NTM: variants seen among roughly 807,000 people sequenced by gnomAD.
NTM encodes neurotrimin.
A neutral mutation model predicts 42.1 loss-of-function variants in NTM; 13 were observed. The observed-to-expected ratio is 0.31, with a 90% confidence interval of 0.20 to 0.49. The LOEUF (loss-of-function observed/expected upper bound fraction) is 0.49. NTM is among the 20% of genes least tolerant of loss of function. The probability of loss-of-function intolerance (pLI) is 0.99; values close to 1 mark genes in which losing one functional copy is unlikely to be tolerated. For synonymous variants in NTM, 187 were observed against 179.2 expected (o/e 1.04, Z -0.35); for missense variants, 373 against 452.8 (o/e 0.82, Z 1.60).
At chr11:132,324,757 T>C (rs1173136754) in intron 7 of NTM, among the ~76,000 whole-genome samples, 2 of 147,122 alleles carry the variant, frequency 1.4e-5, no homozygotes, top group African/African-American at 5.0e-5. Context: ...TCACACTACC[T>C]GACTTCAAAC....
chr11:131,474,098 C>T (rs1260480863), intron 1 of NTM, among the ~76,000 whole-genome samples: 4 of 152,124 alleles, frequency 2.6e-5, no homozygotes, highest in African/African-American at 9.7e-5. Flanking sequence ...TGCAATCTGG[C>T]CCCTAGTCTT....
chr11:131,487,169 C>G (rs1458672141), intron 1 of NTM, among the ~76,000 whole-genome samples: 1 of 152,170 alleles, frequency 6.6e-6, no homozygotes, highest in African/African-American at 2.4e-5. Flanking sequence ...GGAAGCCTGC[C>G]AGAAAGGTGG....
intron 1 of NTM, among the ~76,000 whole-genome samples, chr11:131,750,690 A>G (rs984296207): frequency 6.6e-6 from 1 of 152,204 alleles, no homozygotes; most frequent in Non-Finnish European, 1.5e-5. Context: ...CCACAGCAAT[A>G]GACTCTGACT....
At chr11:132,025,401 G>A (rs1310525783) in intron 2 of NTM, among the ~76,000 whole-genome samples, 1 of 152,144 alleles carries the variant, frequency 6.6e-6, no homozygotes, top group African/African-American at 2.4e-5. Flanking sequence ...TCTTTTATCT[G>A]CACCTAAAAC....
intron 2 of NTM, among the ~76,000 whole-genome samples, chr11:132,129,834 ATGTC>A (rs2066509836): frequency 6.6e-6 from 1 of 152,204 alleles, no homozygotes; most frequent in Non-Finnish European, 1.5e-5. Flanking sequence ...TTTGCCAGAA[ATGTC>A]TGTCTGTCTT....
intron 1 of NTM, among the ~76,000 whole-genome samples, chr11:131,799,039 G>A (rs1336928497): frequency 6.6e-6 from 1 of 152,174 alleles, no homozygotes; most frequent in Non-Finnish European, 1.5e-5. Context: ...AAAAAGGGCA[G>A]ACAGAAAATT....
At chr11:132,130,396 G>A (rs1035369321) in intron 2 of NTM, among the ~76,000 whole-genome samples, 2 of 152,068 alleles carry the variant, frequency 1.3e-5, no homozygotes, top group Non-Finnish European at 2.9e-5. Context: ...TCTCTGCCTT[G>A]TTTTTTTAAT....
At chr11:131,585,992 G>C (rs1242742749) in intron 1 of NTM, among the ~76,000 whole-genome samples, 1 of 152,300 alleles carries the variant, frequency 6.6e-6, no homozygotes, top group Non-Finnish European at 1.5e-5. Context: ...CAACTGTTGA[G>C]CACAGAAACT....
chr11:131,794,887 C>T (rs1464060942), intron 1 of NTM: 10 of 985,272 alleles, frequency 1.0e-5, no homozygotes, highest in African/African-American at 1.7e-5. Context: ...ATATGATGGC[C>T]ACCCTTGTCA....
intron 1 of NTM, among the ~76,000 whole-genome samples, chr11:131,816,635 C>A (rs1361802819): frequency 6.6e-6 from 1 of 152,070 alleles, no homozygotes; most frequent in Non-Finnish European, 1.5e-5. Flanking sequence ...GTCCCCAAAT[C>A]GTACACCTCT....
intron 4 of NTM, among the ~76,000 whole-genome samples, chr11:132,306,074 C>T (rs780599936): frequency 3.9e-5 from 6 of 152,216 alleles, no homozygotes; most frequent in Non-Finnish European, 7.3e-5. Context: ...GTTGGGCCTA[C>T]TGCTGGGCAG....
intron 2 of NTM, among the ~76,000 whole-genome samples, chr11:131,936,081 G>C (rs2059184578): frequency 6.6e-6 from 1 of 152,042 alleles, no homozygotes; most frequent in Non-Finnish European, 1.5e-5. Context: ...TATAAAAATT[G>C]GTGTTGAGAG....
At chr11:132,298,608 G>A (rs752127820) in intron 4 of NTM, among the ~76,000 whole-genome samples, 37 of 152,128 alleles carry the variant, frequency 2.4e-4, no homozygotes, top group Non-Finnish European at 4.6e-4. Flanking sequence ...AATGCACAGG[G>A]CCTGGCTCTG....
At chr11:131,509,494 C>A (rs534655952) in intron 1 of NTM, among the ~76,000 whole-genome samples, 69 of 152,326 alleles carry the variant, frequency 4.5e-4, no homozygotes, top group African/African-American at 1.6e-3. Context: ...AGAATGTAAA[C>A]TTCCTGAAGG....
At chr11:131,560,480 C>A (rs973333948) in intron 1 of NTM, among the ~76,000 whole-genome samples, 3 of 152,170 alleles carry the variant, frequency 2.0e-5, no homozygotes, top group African/African-American at 4.8e-5. Context: ...GTATAACACA[C>A]AAGGAAGAGA....
intron 1 of NTM, among the ~76,000 whole-genome samples, chr11:131,760,319 C>T (rs939811032): frequency 1.3e-5 from 2 of 152,046 alleles, no homozygotes. Context: ...CTTTCTGTTC[C>T]CAGTGGTGGG....
chr11:132,274,780 T>C (rs1406457117), intron 4 of NTM, among the ~76,000 whole-genome samples: 23 of 152,162 alleles, frequency 1.5e-4, no homozygotes, highest in Admixed American at 6.6e-5. Context: ...TGGAGTATAC[T>C]ATATGCCAGT....
chr11:131,736,910 C>G (rs11826298), intron 1 of NTM, among the ~76,000 whole-genome samples: 2 of 152,148 alleles, frequency 1.3e-5, no homozygotes, highest in African/African-American at 4.8e-5. Context: ...TTGTCACATA[C>G]GTTTACTTTA....
At chr11:131,822,796 A>C (rs1565595777) in intron 1 of NTM, among the ~76,000 whole-genome samples, 1 of 152,060 alleles carries the variant, frequency 6.6e-6, no homozygotes, top group Non-Finnish European at 1.5e-5. Flanking sequence ...CAAAAGTGAG[A>C]GTGGAGGTGG....
Sources: gnomAD v4.1 joint callset for allele counts (sites outside exome capture counted in the v4.1 genomes callset) on GRCh38, gnomAD v4.1.1 for gene constraint, MANE v1.5 for transcripts, NCBI Gene and HGNC (gene_info 2026-07-23, HGNC 2026-07-21) for gene names.